The following TBC1D1 variants were observed in gnomAD, a reference collection of about 807,000 sequenced individuals.
TBC1D1 encodes TBC1 (tre-2/USP6, BUB2, cdc16) domain family, member 1.
Under a neutral mutation model 125.6 loss-of-function variants are expected in TBC1D1, and 89 were observed. The observed-to-expected ratio is 0.71, with a 90% CI of 0.60 to 0.85. The LOEUF (loss-of-function observed/expected upper bound fraction) is 0.85. Ranked by LOEUF, TBC1D1 falls within the 40% of genes least tolerant of loss-of-function variation. The pLI is 0.00. For missense variants in TBC1D1, 1,377 were observed against 1,469.2 expected (o/e 0.94, Z 1.03); for synonymous variants, 565 against 564.1 (o/e 1.00, Z -0.02).
At chr4:38,085,161 G>T (rs1757272402) in intron 12 of TBC1D1, among the ~76,000 whole-genome samples, 1 of 152,150 alleles carries the variant, frequency 6.6e-6, no homozygotes, top group African/African-American at 2.4e-5. Context: ...GAATAATTTG[G>T]CATCTAAAAT....
intron 2 of TBC1D1, among the ~76,000 whole-genome samples, chr4:38,005,908 A>G (rs1740061151): frequency 6.6e-6 from 1 of 152,232 alleles, no homozygotes; most frequent in Non-Finnish European, 1.5e-5. Flanking sequence ...CCAGAGAAGC[A>G]CAGTCACCTC....
At chr4:37,916,340 GTA>G (rs199852317) in intron 2 of TBC1D1, among the ~76,000 whole-genome samples, 1 of 150,502 alleles carries the variant, frequency 6.6e-6, no homozygotes, top group Non-Finnish European at 1.5e-5. Flanking sequence ...ATGTGTGTGT[GTA>G]TATATGTGTA....
intron 2 of TBC1D1, among the ~76,000 whole-genome samples, chr4:37,913,088 T>C (rs538605335): frequency 6.6e-6 from 1 of 152,326 alleles, no homozygotes; most frequent in African/African-American, 2.4e-5. Flanking sequence ...AATTAGGAAG[T>C]AGCTTGTTCT....
At chr4:37,908,934 G>A (rs1717946642) in intron 2 of TBC1D1, among the ~76,000 whole-genome samples, 1 of 152,146 alleles carries the variant, frequency 6.6e-6, no homozygotes, top group Non-Finnish European at 1.5e-5. Flanking sequence ...TCCTTTTAAT[G>A]TCCTTTGACA....
At chr4:38,121,689 T>G (rs1054236434) in intron 17 of TBC1D1, among the ~76,000 whole-genome samples, 1 of 152,188 alleles carries the variant, frequency 6.6e-6, no homozygotes, top group Non-Finnish European at 1.5e-5. Flanking sequence ...AGGAGAGTTA[T>G]TGTTTTTTTG....
In TBC1D1 at chr4:38,059,506, T is replaced by C. The variant is rs548762132; in HGVS notation, c.2050+5168T>C. 7.9e-5 allele frequency among the ~76,000 whole-genome samples: 12 copies of C among 152,366 alleles called. No homozygotes were observed. In the South Asian group the frequency reaches 2.3e-3, roughly 29 times the overall value. ...TGTTTAAATGTAAAGCAAATGGCTTTAGTGATGCTTTAAGTGTGGCAGTCA... is the reference window on the plus strand; with the variant it reads ...TGTTTAAATGTAAAGCAAATGGCTTCAGTGATGCTTTAAGTGTGGCAGTCA... On this transcript the variant is annotated intron_variant, in intron 12 of 19. Coordinates refer to ENST00000261439, the MANE Select transcript of TBC1D1 (RefSeq NM_015173.4).
At chr4:37,901,676 G>A (rs1399383494) in intron 1 of TBC1D1, among the ~76,000 whole-genome samples, 1 of 47,450 alleles carries the variant, frequency 2.1e-5, no homozygotes, top group African/African-American at 7.3e-5. Flanking sequence ...TCCCAGATCA[G>A]TTGTTTAAAA....
chr4:38,024,964 C>G (rs1328943458), intron 6 of TBC1D1, among the ~76,000 whole-genome samples: 1 of 152,212 alleles, frequency 6.6e-6, no homozygotes, highest in Non-Finnish European at 1.5e-5. Context: ...TAGCTGCACT[C>G]TGCTCTAATT....
chr4:37,912,267 G>A (rs1303236964), intron 2 of TBC1D1, among the ~76,000 whole-genome samples: 1 of 152,142 alleles, frequency 6.6e-6, no homozygotes, highest in Non-Finnish European at 1.5e-5. Flanking sequence ...ATTTTCCATG[G>A]GACATTCGAG....
intron 13 of TBC1D1, among the ~76,000 whole-genome samples, chr4:38,092,189 A>C (rs765134223): frequency 5.3e-5 from 8 of 152,238 alleles, no homozygotes; most frequent in Admixed American, 5.2e-4. Context: ...AATCAGCCAG[A>C]GTGTACAGTA....
chr4:38,050,371 C>T (rs760421627), intron 11 of TBC1D1, among the ~76,000 whole-genome samples: 3 of 152,156 alleles, frequency 2.0e-5, no homozygotes, highest in African/African-American at 2.4e-5. Context: ...GTGACCTGGA[C>T]GAATTTGCTA....
chr4:38,062,311 A>C (rs1431463611), intron 12 of TBC1D1, among the ~76,000 whole-genome samples: 1 of 147,118 alleles, frequency 6.8e-6, no homozygotes, highest in African/African-American at 2.5e-5. Context: ...TGATCTTGCT[A>C]TAATATTTAT....
chr4:38,106,721 C>A (rs959299846), intron 15 of TBC1D1, among the ~76,000 whole-genome samples: 8 of 152,184 alleles, frequency 5.3e-5, no homozygotes, highest in African/African-American at 1.9e-4. Context: ...CGGACACGAT[C>A]AGCCCCTGCT....
chr4:37,960,606 A>G, intron 2 of TBC1D1: 1 of 1,614,180 alleles, frequency 6.2e-7, no homozygotes, highest in Non-Finnish European at 8.5e-7. Context: ...AGCCTTACCT[A>G]AAGCTACCAG....
At chr4:38,071,883 C>T (rs1057383734) in intron 12 of TBC1D1, among the ~76,000 whole-genome samples, 3 of 152,206 alleles carry the variant, frequency 2.0e-5, no homozygotes, top group Non-Finnish European at 4.4e-5. Flanking sequence ...AAGACTGAGG[C>T]TCAAAGACCA....
In TBC1D1 at chr4:38,059,071, A is replaced by T. The variant is rs895502601; in HGVS notation, c.2050+4733A>T. On this transcript the variant is annotated intron_variant, in intron 12 of 19. Transcript: ENST00000261439. ...ACTGTTTTCTATGCACAAAATCCCC[A>T]TGAAATAATTAAGTTGCAAGAATCT... 2.0e-5 allele frequency among the ~76,000 whole-genome samples: 3 copies of T among 152,252 alleles called. No individual in the cohort carries two copies. In the East Asian group the frequency reaches 5.8e-4, roughly 29 times the overall value.
chr4:38,027,646 A>AAG, intron 6 of TBC1D1, 142 bp from the exon 7 acceptor site: 3 of 509,158 alleles, frequency 5.9e-6, no homozygotes, highest in Non-Finnish European at 7.0e-6. Flanking sequence ...AAAAAAAAAA[A>AAG]TAAAATATTT....
chr4:37,922,933 T>C (rs1721319501), intron 2 of TBC1D1, among the ~76,000 whole-genome samples: 1 of 151,910 alleles, frequency 6.6e-6, no homozygotes, highest in Admixed American at 6.6e-5. Flanking sequence ...CCACAGCTAA[T>C]GGATGGGGTG....
chr4:38,018,571 G>T, intron 4 of TBC1D1, 128 bp downstream of exon 4: 1 of 539,930 alleles, frequency 1.9e-6, no homozygotes, highest in Non-Finnish European at 3.0e-6. Flanking sequence ...CTTGATTTGT[G>T]TTTCGCTTTT....
Sources: gnomAD v4.1 joint callset for allele counts (sites outside exome capture counted in the v4.1 genomes callset) on GRCh38, gnomAD v4.1.1 for gene constraint, MANE v1.5 for transcripts, NCBI Gene and HGNC (gene_info 2026-07-23, HGNC 2026-07-21) for gene names.